Variants in ZNF582 observed in about 807,000 individuals in gnomAD.
The protein encoded by ZNF582 is zinc finger protein 582.
A neutral mutation model predicts 12.3 loss-of-function variants in ZNF582; 14 were observed. That is an observed-to-expected ratio of 1.14 (90% CI 0.75 to 1.78). The LOEUF is 1.78. ZNF582 is among the 40% of genes most tolerant of loss of function. ZNF582 has a pLI of 0.00. For synonymous variants in ZNF582, 210 were observed against 207.2 expected, an observed-to-expected ratio of 1.01 and a Z score of -0.11; for missense variants, 567 against 616.5, an observed-to-expected ratio of 0.92 and a Z score of 0.85.
exon 5 of ZNF582, chr19:56,385,060 T>C (rs770558161): frequency 1.1e-5 from 18 of 1,614,166 alleles, no homozygotes; most frequent in Non-Finnish European, 1.4e-5. Context: ...CCCAATCATC[T>C]TGGAAACTTG....
In ZNF582 at chr19:56,393,232, T is replaced by C. The variant is rs188668800; in HGVS notation, c.-93A>G. 1.8e-4 allele frequency: 223 copies of C among 1,255,480 alleles called. No individual in the cohort carries two copies. The highest frequency in any genetic ancestry group is 6.7e-4 in the Middle Eastern group (3 of 4,472). The allele number at this position is 1,255,480 out of a possible 1,614,324, so 77.8% of individuals were successfully genotyped here. A position where few individuals can be genotyped will look rare whatever the true frequency, so the allele number is the denominator to read the frequency against. The stretch of plus-strand genomic sequence containing the variant: ...CCTGCGCACCCACCTAAGGGGTCCA[T>C]GCACCTGGGCTATGAGGCTGGAAGC... On this transcript the variant is annotated 5_prime_UTR_variant, in exon 1 of 5. The change abolishes an upstream ATG in the 5' untranslated region. Transcript: ENST00000586929.
chr19:56,393,374 A>T (rs1233579664), exon 1 of ZNF582: 5 of 817,104 alleles, frequency 6.1e-6, no homozygotes, highest in Non-Finnish European at 9.0e-6. Context: ...CAGGCCTGAG[A>T]CCCAACCGGC....
chr19:56,391,078 C>T (rs896946468), intron 2 of ZNF582, among the ~76,000 whole-genome samples: 1 of 152,134 alleles, frequency 6.6e-6, no homozygotes, highest in African/African-American at 2.4e-5. Flanking sequence ...AATTTTCTAT[C>T]AAGTGAAACA....
intron 4 of ZNF582, chr19:56,388,387 T>C (rs2041986220): frequency 6.6e-6 from 1 of 152,256 alleles, no homozygotes; most frequent in African/African-American, 2.4e-5. Flanking sequence ...CAGGAGTATG[T>C]GATCTAATAA....
chr19:56,384,311 C>T (rs1488355414), exon 5 of ZNF582: 3 of 1,613,620 alleles, frequency 1.9e-6, no homozygotes, highest in South Asian at 2.2e-5. Flanking sequence ...ACATACTTTG[C>T]ACTCATAGGG....
At chr19:56,383,626 T>G in exon 5 of ZNF582, 1 of 378,782 alleles carries the variant, frequency 2.6e-6, no homozygotes, top group Non-Finnish European at 4.6e-6. Context: ...TTGATAAAAT[T>G]ACTACACTGT....
At chr19:56,389,052 T>A (rs2041994295) in intron 4 of ZNF582, among the ~76,000 whole-genome samples, 1 of 152,218 alleles carries the variant, frequency 6.6e-6, no homozygotes, top group Admixed American at 6.5e-5. Context: ...CCCAGCTACA[T>A]CACACCTTCC....
rs764016190 is a variant in ZNF582, at chr19:56,383,998, A to G, written c.1419T>C (p.His473=). ...TTATATTCACATGTGTTTCTCTATT[A>G]TGCATTCTCTGAGGTTGAACGGTAG... Residue 473 remains histidine, a synonymous_variant, in exon 5 of 5, where the codon CAT becomes CAC. Transcript: ENST00000586929. 1.1e-5 allele frequency: 18 copies of G among 1,613,884 alleles called. No individual in the cohort carries two copies. In the Admixed American group the frequency reaches 2.8e-4, roughly 25 times the overall value.
chr19:56,384,069 GC>G lies in ZNF582; in HGVS notation c.1347del (p.Lys449AsnfsTer12). ...TTCTCACATTCCTTATATTCATAGGGCTTTTTCTCAGTGTGAATAACCTGAT... is the reference window on the plus strand; with the variant it reads ...TTCTCACATTCCTTATATTCATAGGGTTTTTCTCAGTGTGAATAACCTGAT... On this transcript the variant is annotated frameshift_variant, in exon 5 of 5. Coordinates refer to ENST00000586929, the Ensembl canonical transcript of ZNF582. LOFTEE classifies it low-confidence loss of function (END_TRUNC). 6.2e-7 allele frequency: 1 copy of G among 1,610,920 alleles called. No homozygotes were observed.
chr19:56,387,701 G>C (rs896679473), intron 4 of ZNF582: 2 of 152,170 alleles, frequency 1.3e-5, no homozygotes, highest in Non-Finnish European at 2.9e-5. Flanking sequence ...AGGCTCAGGT[G>C]ATTCTCCTCT....
intron 1 of ZNF582, 73 bp downstream of exon 1, chr19:56,393,147 A>AG: frequency 8.2e-7 from 1 of 1,215,004 alleles, no homozygotes; most frequent in Non-Finnish European, 1.1e-6. Flanking sequence ...GATTAAAAAA[A>AG]AAAAAAGGCA....
intron 4 of ZNF582, 34 bp downstream of exon 4, chr19:56,389,967 G>GTGGC: frequency 6.3e-7 from 1 of 1,581,930 alleles, no homozygotes; most frequent in Non-Finnish European, 8.7e-7. Context: ...GATACCTGCA[G>GTGGC]TGGCTGCTCC....
intron 4 of ZNF582, 149 bp from the exon 5 acceptor site, chr19:56,385,333 G>T: frequency 1.3e-6 from 1 of 797,612 alleles, no homozygotes; most frequent in Non-Finnish European, 1.9e-6. Flanking sequence ...ACAGTGAAAG[G>T]AAAATAACAT....
Position 56,384,573 on chromosome 19 carries a change from GT to G in ZNF582, c.843del (p.Lys281AsnfsTer46). 1 of 1,614,120 alleles carries G rather than the reference GT, an allele frequency of 6.2e-7. No homozygotes were observed. The highest frequency in any genetic ancestry group is 8.5e-7 in the Non-Finnish European group (1 of 1,180,026). ...TTGCCACATTCCTTACACTGATAGG[GT>G]TTCTCGCCTGTGTGAGTTCGCTGAT... is the stretch of plus-strand genomic sequence containing the variant. On this transcript the variant is annotated frameshift_variant, in exon 5 of 5. Transcript: ENST00000586929. LOFTEE classifies it low-confidence loss of function (END_TRUNC).
Position 56,384,125 on chromosome 19 carries a change from G to A in ZNF582, c.1292C>T (p.Ala431Val), listed in dbSNP as rs760264072. The A allele has an allele frequency of 1.9e-6, 3 of 1,612,868 alleles. No individual in the cohort carries two copies. The East Asian group carries it at 6.7e-5, about 36-fold the overall frequency. The change falls in exon 5 of 5, where the codon GCT becomes GTT. Residue 431 changes from alanine (A) to valine (V), a missense_variant. Transcript: ENST00000586929. ...AATCAATTGTGAGCAATGACTAAAA[G>A]CCTTCCCACATTCCTTACATTCATA... is the stretch of plus-strand genomic sequence containing the variant.
intron 3 of ZNF582, 138 bp downstream of exon 3, chr19:56,390,237 G>A: frequency 7.2e-7 from 1 of 1,397,518 alleles, no homozygotes; most frequent in Admixed American, 1.8e-5. Context: ...GTAGGGGGAT[G>A]CAGCTTCAGC....
intron 4 of ZNF582, 89 bp from the exon 5 acceptor site, chr19:56,385,273 G>T: frequency 7.6e-7 from 1 of 1,311,922 alleles, no homozygotes; most frequent in Non-Finnish European, 1.0e-6. Context: ...TAGACTCAAT[G>T]CCTATTAACT....
intron 4 of ZNF582, among the ~76,000 whole-genome samples, chr19:56,385,828 C>A (rs2041961741): frequency 6.6e-6 from 1 of 152,076 alleles, no homozygotes; most frequent in South Asian, 2.1e-4. Flanking sequence ...GGAGGGAGCA[C>A]AAGGGAACTT....
chr19:56,383,000 T>C (rs1297610270), exon 5 of ZNF582: 2 of 152,120 alleles, frequency 1.3e-5, no homozygotes, highest in Non-Finnish European at 2.9e-5. Flanking sequence ...ATGAGGAAAA[T>C]CTTTCCCAGA....
Sources: allele counts gnomAD v4.1 joint callset (sites outside exome capture counted in the v4.1 genomes callset), GRCh38; gene constraint gnomAD v4.1.1; transcripts MANE v1.5; gene names NCBI Gene and HGNC (gene_info 2026-07-23, HGNC 2026-07-21).